Variants in MISFA observed in about 807,000 individuals in gnomAD.
The protein encoded by MISFA is mitochondrial sheath formation-associated protein.
At chr11:18,605,633 A>G in the MISFA span, among the ~76,000 whole-genome samples, 23 of 152,266 alleles carry the variant, frequency 1.5e-4, no homozygotes, top group Admixed American at 7.2e-4. Context: ...TTTAGACTCA[A>G]CATTTTCCAG....
At chr11:18,603,630 C>T in the MISFA span, 1 of 397,006 alleles carries the variant, frequency 2.5e-6, no homozygotes, top group Non-Finnish European at 4.4e-6. Flanking sequence ...GCTCCCCTTG[C>T]ATCCGGGATC....
the MISFA span, chr11:18,599,900 T>A: frequency 2.5e-6 from 1 of 398,990 alleles, no homozygotes; most frequent in Non-Finnish European, 4.4e-6. Flanking sequence ...CTGTGCAATT[T>A]TATCTTAGAA....
At chr11:18,608,106 T>G in the MISFA span, 2 of 152,674 alleles carry the variant, frequency 1.3e-5, no homozygotes, top group African/African-American at 4.8e-5. Flanking sequence ...CTACCCTTAA[T>G]TTCACTGAAG....
At chr11:18,609,754 G>A in the MISFA span, 2 of 904,030 alleles carry the variant, frequency 2.2e-6, no homozygotes, top group Non-Finnish European at 3.5e-6. Context: ...CCTTCTCCTT[G>A]AGTACCCAAG....
At chr11:18,608,685 G>A in the MISFA span, 898 of 152,360 alleles carry the variant, frequency 5.9e-3, 6 homozygotes, top group South Asian at 0.019. Flanking sequence ...GAAGGTTAAG[G>A]GCTATTAAGT....
At chr11:18,605,658 AC>A in the MISFA span, among the ~76,000 whole-genome samples, 1 of 152,138 alleles carries the variant, frequency 6.6e-6, no homozygotes, top group Non-Finnish European at 1.5e-5. Context: ...TTAAGTACTT[AC>A]ATCCTCTGGC....
At chr11:18,603,783 A>AGT in the MISFA span, 1 of 399,056 alleles carries the variant, frequency 2.5e-6, no homozygotes, top group Admixed American at 4.4e-5. Context: ...CTCCAGTGGA[A>AGT]GTAAGCAAGG....
the MISFA span, chr11:18,599,946 G>A: frequency 2.5e-6 from 1 of 398,950 alleles, no homozygotes; most frequent in South Asian, 1.3e-4. Context: ...TGCTTGGCTG[G>A]ATGTTTTTTG....
the MISFA span, among the ~76,000 whole-genome samples, chr11:18,604,901 G>A: frequency 3.3e-5 from 5 of 152,130 alleles, no homozygotes; most frequent in Non-Finnish European, 7.4e-5. Context: ...ACAAGAGACT[G>A]TGGGATATCC....
chr11:18,603,867 A>G, the MISFA span: 1 of 397,158 alleles, frequency 2.5e-6, no homozygotes, highest in Non-Finnish European at 4.4e-6. Context: ...GGTTTCACAT[A>G]AAGTAATTGC....
chr11:18,609,622 G>C, the MISFA span: 1 of 513,872 alleles, frequency 1.9e-6, no homozygotes. Flanking sequence ...TGGCATCTGT[G>C]AACAGTTAAC....
the MISFA span, among the ~76,000 whole-genome samples, chr11:18,605,119 A>G: frequency 1.3e-4 from 20 of 152,154 alleles, 2 homozygotes; most frequent in South Asian, 3.9e-3. Flanking sequence ...GGTGGGCACC[A>G]GTAATCCTAG....
the MISFA span, among the ~76,000 whole-genome samples, chr11:18,604,424 C>T: frequency 6.6e-6 from 1 of 151,498 alleles, no homozygotes; most frequent in East Asian, 2.0e-4. Flanking sequence ...GGGAGGCCAA[C>T]ACAGGTGGAT....
the MISFA span, among the ~76,000 whole-genome samples, chr11:18,600,710 C>T: frequency 5.1e-3 from 769 of 151,040 alleles, 6 homozygotes; most frequent in African/African-American, 0.018. Context: ...TTAGTAGAGA[C>T]GGGGTTTCAC....
the MISFA span, chr11:18,603,622 T>A: frequency 5.0e-6 from 2 of 396,768 alleles, no homozygotes; most frequent in Non-Finnish European, 8.9e-6. Context: ...AGTGCTAAGC[T>A]CCCCTTGCAT....
At chr11:18,601,915 A>G in the MISFA span, 2 of 168,776 alleles carry the variant, frequency 1.2e-5, no homozygotes, top group Non-Finnish European at 2.5e-5. Flanking sequence ...GAATTAATGT[A>G]AAGCATTTAA....
chr11:18,603,712 A>G, the MISFA span: 1 of 398,832 alleles, frequency 2.5e-6, no homozygotes, highest in Non-Finnish European at 4.4e-6. Flanking sequence ...CAAATGCCTA[A>G]GCCCCCACAC....
the MISFA span, among the ~76,000 whole-genome samples, chr11:18,605,502 T>C: frequency 7.2e-5 from 11 of 152,060 alleles, no homozygotes; most frequent in African/African-American, 2.2e-4. Context: ...TATTTGTAAG[T>C]GGCTCTTTGC....
the MISFA span, chr11:18,601,583 T>A: frequency 5.0e-6 from 2 of 398,474 alleles, no homozygotes; most frequent in Non-Finnish European, 8.8e-6. Context: ...AATTTTTTTT[T>A]TATTTTTTTA....
Sources: allele counts gnomAD v4.1 joint callset (sites outside exome capture counted in the v4.1 genomes callset), GRCh38; gene constraint gnomAD v4.1.1; transcripts MANE v1.5; gene names NCBI Gene and HGNC (gene_info 2026-07-23, HGNC 2026-07-21).